EFHD2: variants seen among roughly 807,000 people sequenced by gnomAD.
The protein encoded by EFHD2 is EF-hand domain-containing protein D2.
A neutral mutation model predicts 20.3 loss-of-function variants in EFHD2; 12 were observed. The ratio of observed to expected loss-of-function variants is 0.59; its 90% confidence interval spans 0.38 to 0.96. The LOEUF is 0.96. Ranked by LOEUF, EFHD2 falls within the 40% of genes least tolerant of loss-of-function variation. The pLI is 0.00. For missense variants in EFHD2, 250 were observed against 334.3 expected, an observed-to-expected ratio of 0.75 and a Z score of 1.97; for synonymous variants, 131 against 143.9, an observed-to-expected ratio of 0.91 and a Z score of 0.64.
intron 1 of EFHD2, among the ~76,000 whole-genome samples, chr1:15,416,918 T>TC (rs1236880339): frequency 6.6e-6 from 1 of 152,152 alleles, no homozygotes; most frequent in South Asian, 2.1e-4. Flanking sequence ...TAAGTGATCC[T>TC]CCCACCTCAG....
At chr1:15,418,514 C>T (rs1476428363) in intron 1 of EFHD2, among the ~76,000 whole-genome samples, 2 of 150,796 alleles carry the variant, frequency 1.3e-5, no homozygotes, top group Non-Finnish European at 3.0e-5. Flanking sequence ...ACCGTGTTAG[C>T]CAGGATGGTC....
intron 1 of EFHD2, among the ~76,000 whole-genome samples, chr1:15,411,555 C>T (rs1002405222): frequency 1.1e-4 from 17 of 152,212 alleles, no homozygotes; most frequent in Non-Finnish European, 2.2e-4. Context: ...CCTTTGGTAG[C>T]TTTCCCCACC....
intron 1 of EFHD2, among the ~76,000 whole-genome samples, chr1:15,416,082 C>T (rs568066472): frequency 6.7e-4 from 102 of 152,236 alleles, no homozygotes; most frequent in African/African-American, 2.3e-3. Context: ...GTCCTTACTC[C>T]GTTCCTCCCA....
At position 15,426,738 on chromosome 1, in the gene EFHD2, G is replaced by A. The variant is rs114033146; in HGVS notation, c.457-412G>A. 0.03 allele frequency among the ~76,000 whole-genome samples: 4,509 copies of A among 152,210 alleles called. 117 individuals carry two copies. Among genetic ancestry groups the A allele is most frequent in the African/African-American group, 0.067 (2,779 of 41,504 alleles). On this transcript the variant is annotated intron_variant, in intron 2 of 3. Transcript: ENST00000375980. The surrounding 1 kb of genome is among the most constrained non-coding windows in gnomAD (Gnocchi z 4.6). Reference sequence around the variant, plus strand: ...GAGCAGGGTTCCATCCCTCTGACACGTTCAGGCGCTGAGACTTGGGGTGTC... The same window carrying A: ...GAGCAGGGTTCCATCCCTCTGACACATTCAGGCGCTGAGACTTGGGGTGTC...
chr1:15,429,032 C>T lies in EFHD2; in HGVS notation c.*308C>T. 1 of 363,978 alleles carries T rather than the reference C, an allele frequency of 2.7e-6. No individual in the cohort carries two copies. The highest frequency in any genetic ancestry group is 5.3e-6 in the Non-Finnish European group (1 of 189,740). 22.5% of individuals were successfully genotyped at this position (363,978 alleles called of 1,614,324 possible). A position where few individuals can be genotyped will look rare whatever the true frequency, so the allele number is the denominator to read the frequency against. ...TGCTCCGGCACTGCCCCAGGCCCAGCTCCTGGCCCTAGGTCCCTCCCAGCC... is the reference window on the plus strand; with the variant it reads ...TGCTCCGGCACTGCCCCAGGCCCAGTTCCTGGCCCTAGGTCCCTCCCAGCC... On this transcript the variant is annotated 3_prime_UTR_variant, in exon 4 of 4. Transcript: ENST00000375980.
chr1:15,428,135 G>A, intron 3 of EFHD2: 3 of 381,522 alleles, frequency 7.9e-6, no homozygotes, highest in Non-Finnish European at 1.6e-5. Flanking sequence ...AGCTGGTGAG[G>A]TCAAGCTGTT....
At chr1:15,420,754 G>A (rs1326752526) in intron 1 of EFHD2, among the ~76,000 whole-genome samples, 4 of 152,154 alleles carry the variant, frequency 2.6e-5, no homozygotes, top group African/African-American at 9.6e-5. Flanking sequence ...TCCTGACCTC[G>A]TGATCCGCCT....
rs528035009 is a variant in EFHD2 at position 15,411,437 on chromosome 1, CTCCCTCCGGCCCA to C, written c.308+1164_308+1176del. Among the ~76,000 whole-genome samples the C allele has an allele frequency of 1.4e-4, 21 of 152,302 alleles. No individual in the cohort carries two copies. In the East Asian group the frequency reaches 2.7e-3, roughly 20 times the overall value. ...GAGGGGCTAGGGAGAGAGGGCCCAG[CTCCCTCCGGCCCA>C]TCCCTGGGTCCCACTCTGTTGGGTC... On this transcript the variant is annotated intron_variant, in intron 1 of 3. Transcript: ENST00000375980.
At chr1:15,422,178 C>T (rs1173293673) in intron 1 of EFHD2, among the ~76,000 whole-genome samples, 1 of 150,932 alleles carries the variant, frequency 6.6e-6, no homozygotes, top group Non-Finnish European at 1.5e-5. Context: ...TTGCAACCTC[C>T]ACCTCCTGTG....
Position 15,412,091 on chromosome 1 carries a change from GTCCCAGGGCGC to G in EFHD2, c.308+1813_308+1823del, listed in dbSNP as rs1707538302. ...CAGGGCCCAGAACCTCTTCAAGAAA[GTCCCAGGGCGC>G]CCACGTCCTTGGCTCCACGGTGTTT... On this transcript the variant is annotated intron_variant, in intron 1 of 3. Coordinates refer to ENST00000375980, the MANE Select transcript of EFHD2 (RefSeq NM_024329.6). Among the ~76,000 whole-genome samples, 3 of 152,010 alleles carry G rather than the reference GTCCCAGGGCGC, an allele frequency of 2.0e-5. No individual in the cohort carries two copies. The South Asian group carries it at 6.2e-4, about 32-fold the overall frequency.
At chr1:15,423,736 C>G (rs192230565) in intron 1 of EFHD2, among the ~76,000 whole-genome samples, 1 of 152,060 alleles carries the variant, frequency 6.6e-6, no homozygotes. Flanking sequence ...CTGGGGAGCC[C>G]GTAAGAAGGT....
At chr1:15,427,344 G>A in intron 3 of EFHD2, 60 bp downstream of exon 3, 5 of 1,556,700 alleles carry the variant, frequency 3.2e-6, no homozygotes, top group Non-Finnish European at 4.3e-6. Context: ...CTGGGTTGGT[G>A]CGAAGTTAAT....
At chr1:15,411,753 G>T (rs1025641864) in intron 1 of EFHD2, among the ~76,000 whole-genome samples, 3 of 152,194 alleles carry the variant, frequency 2.0e-5, no homozygotes, top group Non-Finnish European at 4.4e-5. Context: ...ATGCGGCAAG[G>T]CCGGCTCCCG....
At chr1:15,421,132 A>C (rs1707782667) in intron 1 of EFHD2, among the ~76,000 whole-genome samples, 2 of 152,122 alleles carry the variant, frequency 1.3e-5, no homozygotes, top group South Asian at 4.1e-4. Flanking sequence ...GTAGATGAGG[A>C]AATTGAGGTC....
chr1:15,428,734 C>T lies in EFHD2; in HGVS notation c.*10C>T. 1 of 1,570,042 alleles carries T rather than the reference C, an allele frequency of 6.4e-7. No homozygotes were observed. The highest frequency in any genetic ancestry group is 8.6e-7 in the Non-Finnish European group (1 of 1,158,628). On this transcript the variant is annotated 3_prime_UTR_variant, in exon 4 of 4. Coordinates refer to ENST00000375980, the MANE Select transcript of EFHD2 (RefSeq NM_024329.6). Reference sequence around the variant, plus strand: ...GTCCACCTTTAAGTAGCGGGGGCTGCAGCCGACCGCCCTGCTCCGGCCCCA... The same window carrying T: ...GTCCACCTTTAAGTAGCGGGGGCTGTAGCCGACCGCCCTGCTCCGGCCCCA...
At chr1:15,425,834 G>C (rs376981492) in intron 1 of EFHD2, 37 bp from the exon 2 acceptor site, 1 of 1,595,794 alleles carries the variant, frequency 6.3e-7, no homozygotes, top group Non-Finnish European at 8.5e-7. Flanking sequence ...CTCTGACTGA[G>C]CCAGTGCCAA....
chr1:15,416,190 G>A (rs774846677), intron 1 of EFHD2, among the ~76,000 whole-genome samples: 12 of 151,890 alleles, frequency 7.9e-5, no homozygotes, highest in Admixed American at 2.6e-4. Flanking sequence ...TGCCTTCTCC[G>A]GCTTCCTCGC....
chr1:15,423,786 G>C (rs990909267), intron 1 of EFHD2, among the ~76,000 whole-genome samples: 2 of 152,130 alleles, frequency 1.3e-5, no homozygotes, highest in African/African-American at 4.8e-5. Flanking sequence ...TCAAGCGCCC[G>C]GGACATAGGG....
At position 15,413,795 on chromosome 1, in the gene EFHD2, C is replaced by T. The variant is rs74054708; in HGVS notation, c.308+3516C>T. 0.056 allele frequency among the ~76,000 whole-genome samples: 8,462 copies of T among 152,236 alleles called. 747 individuals are homozygous for T. Among genetic ancestry groups the T allele is most frequent in the African/African-American group, 0.19 (7,901 of 41,514 alleles). ...GTCCCGGTGTCTCAGGGTGGGGCTC[C>T]GAGGACATGACACACTTAGAGTTCT... On this transcript the variant is annotated intron_variant, in intron 1 of 3. Transcript: ENST00000375980. The surrounding 1 kb of genome is among the most constrained non-coding windows in gnomAD (Gnocchi z 4.4).
Sources: allele counts gnomAD v4.1 joint callset (sites outside exome capture counted in the v4.1 genomes callset), GRCh38; gene constraint gnomAD v4.1.1; non-coding constraint Gnocchi (gnomAD v3.1); transcripts MANE v1.5; gene names NCBI Gene and HGNC (gene_info 2026-07-23, HGNC 2026-07-21).